Variants in STAM2 observed in about 807,000 individuals in gnomAD.
STAM2 encodes the protein signal transducing adaptor molecule 2.
STAM2 carries 51 observed loss-of-function variants against 65.6 expected under a neutral mutation model. The ratio of observed to expected loss-of-function variants is 0.78; its 90% confidence interval spans 0.62 to 0.98. The LOEUF (loss-of-function observed/expected upper bound fraction) is 0.98. STAM2 is among the 50% of genes least tolerant of loss of function. The pLI is 0.00. For missense variants in STAM2, 584 were observed against 617.8 expected (o/e 0.95, Z 0.58); for synonymous variants, 198 against 208.4 (o/e 0.95, Z 0.43).
chr2:152,125,134 T>C (rs1174707847), intron 12 of STAM2, among the ~76,000 whole-genome samples: 3 of 152,178 alleles, frequency 2.0e-5, no homozygotes, highest in Non-Finnish European at 4.4e-5. Flanking sequence ...AGTTTTATCA[T>C]ACAATGATGC....
chr2:152,133,585 A>C (rs1395264007), intron 8 of STAM2, 101 bp from the exon 9 acceptor site: 1 of 795,310 alleles, frequency 1.3e-6, no homozygotes, highest in Non-Finnish European at 2.0e-6. Flanking sequence ...AAAAAAAATA[A>C]AAGTCCTTCA....
intron 1 of STAM2, among the ~76,000 whole-genome samples, chr2:152,161,018 T>C (rs532995491): frequency 6.6e-6 from 1 of 151,316 alleles, no homozygotes; most frequent in East Asian, 2.0e-4. Flanking sequence ...TCATTGAGAG[T>C]GGGCCATGAT....
chr2:152,134,845 T>C (rs1689126385), intron 8 of STAM2, among the ~76,000 whole-genome samples: 1 of 152,230 alleles, frequency 6.6e-6, no homozygotes, highest in Non-Finnish European at 1.5e-5. Context: ...TATTACGAGC[T>C]GTTCCTTTAC....
intron 1 of STAM2, among the ~76,000 whole-genome samples, chr2:152,160,916 G>A: frequency 6.6e-6 from 1 of 151,552 alleles, no homozygotes; most frequent in Non-Finnish European, 1.5e-5. Context: ...CCATCCGGGA[G>A]GTGAGGGGCG....
At chr2:152,121,512 A>G (rs1463294152) in intron 13 of STAM2, among the ~76,000 whole-genome samples, 2 of 152,134 alleles carry the variant, frequency 1.3e-5, no homozygotes, top group African/African-American at 2.4e-5. Flanking sequence ...CCATCTCCCA[A>G]TCCAGCACAA....
chr2:152,175,589 G>C lies in STAM2; in HGVS notation c.40+14C>G. On this transcript the variant is annotated intron_variant, in intron 1 of 13. Transcript: ENST00000263904. ...CCAGGCACACAGCAGTCCAGGACCGGGCACAGCACTCACCCACGTCTTGCT... is the reference window on the plus strand; with the variant it reads ...CCAGGCACACAGCAGTCCAGGACCGCGCACAGCACTCACCCACGTCTTGCT... 1 of 1,614,080 alleles carries C rather than the reference G, an allele frequency of 6.2e-7. No homozygotes were observed. Among genetic ancestry groups the C allele is most frequent in the South Asian group, 1.1e-5 (1 of 91,072 alleles).
At chr2:152,124,626 A>G (rs563247926) in intron 12 of STAM2, 2 of 152,384 alleles carry the variant, frequency 1.3e-5, no homozygotes, top group African/African-American at 4.8e-5. Flanking sequence ...TAGCATCAAA[A>G]CAATGCATAC....
At chr2:152,166,785 GAGA>G (rs1391533578) in intron 1 of STAM2, among the ~76,000 whole-genome samples, 1 of 152,062 alleles carries the variant, frequency 6.6e-6, no homozygotes, top group Non-Finnish European at 1.5e-5. Context: ...TTTTTTAGAA[GAGA>G]AGGTTAAGAT....
intron 1 of STAM2, among the ~76,000 whole-genome samples, chr2:152,159,110 T>TATATATACATATAC (rs575009275): frequency 3.1e-5 from 4 of 129,278 alleles, no homozygotes; most frequent in African/African-American, 1.3e-4. Flanking sequence ...TATATATATA[T>TATATATACATATAC]ACACACACAG....
intron 1 of STAM2, among the ~76,000 whole-genome samples, chr2:152,170,218 A>C (rs1345554834): frequency 6.6e-6 from 1 of 151,482 alleles, no homozygotes; most frequent in Non-Finnish European, 1.5e-5. Context: ...ACAGTGGCTC[A>C]TATCTGTAAT....
chr2:152,145,197 G>A (rs1190240986), intron 5 of STAM2, among the ~76,000 whole-genome samples: 3 of 151,952 alleles, frequency 2.0e-5, no homozygotes, highest in Non-Finnish European at 4.4e-5. Context: ...CAGCCTCCTG[G>A]GAAGCCGGAA....
At chr2:152,137,068 T>C (rs950624738) in intron 7 of STAM2, among the ~76,000 whole-genome samples, 2 of 151,966 alleles carry the variant, frequency 1.3e-5, no homozygotes, top group Admixed American at 1.3e-4. Context: ...TTTTGTATTT[T>C]TAGTAGAGAT....
intron 1 of STAM2, among the ~76,000 whole-genome samples, chr2:152,168,713 TC>T (rs1217159741): frequency 3.3e-5 from 5 of 152,226 alleles, no homozygotes; most frequent in South Asian, 2.1e-4. Flanking sequence ...TTCTCTTACA[TC>T]CTAAAAACCT....
rs765370749 is a variant in STAM2, at chr2:152,123,881, C to G, written c.1234G>C (p.Val412Leu). 1 of 1,614,106 alleles carries G rather than the reference C, an allele frequency of 6.2e-7. No individual in the cohort carries two copies. ...AGGCTATAGCTTTGGGCAACAGTTA[C>G]TTGGTGAATGCTCTGACCCATATAG... ...GNYMGQSIHQ[V>L]TVAQSYSLGP... The change falls in exon 13 of 14, where the codon GTA (valine) becomes CTA (leucine). Residue 412 changes from valine to leucine, a missense_variant. Physicochemically the swap from Val to Leu is conservative, Grantham distance 32 (BLOSUM62 1). Transcript: ENST00000263904.
rs1438128842 is a variant in STAM2 at position 152,120,413 on chromosome 2, A to AC, written c.*160_*161insG. ...CTGGACTGAAAAAAAAAAAAAAAAA[A>AC]AACCTTTTATGGCCTTGTAGAATAA... On this transcript the variant is annotated 3_prime_UTR_variant, in exon 14 of 14. Transcript: ENST00000263904. 5 of 571,548 alleles carry AC rather than the reference A, an allele frequency of 8.7e-6. No homozygotes were observed. Among genetic ancestry groups the AC allele is most frequent in the African/African-American group, 7.6e-5 (4 of 52,946 alleles). The allele number at this position is 571,548 out of a possible 1,614,324, so 35.4% of individuals were successfully genotyped here. A position where few individuals can be genotyped will look rare whatever the true frequency, so the allele number is the denominator to read the frequency against.
chr2:152,156,660 C>G (rs916004463), intron 1 of STAM2, among the ~76,000 whole-genome samples: 26 of 152,054 alleles, frequency 1.7e-4, no homozygotes, highest in African/African-American at 5.6e-4. Flanking sequence ...AAGAATAATT[C>G]CATCAATATC....
intron 1 of STAM2, among the ~76,000 whole-genome samples, chr2:152,173,222 AG>A (rs1560227556): frequency 6.6e-6 from 1 of 151,132 alleles, no homozygotes; most frequent in African/African-American, 2.4e-5. Context: ...AAAAAAAAAA[AG>A]GGTAACAAAA....
chr2:152,138,068 T>A (rs2105540347), intron 7 of STAM2, among the ~76,000 whole-genome samples: 1 of 152,248 alleles, frequency 6.6e-6, no homozygotes. Context: ...AATTTCCACA[T>A]TAATATTAAA....
At chr2:152,156,405 T>C (rs1689547179) in intron 1 of STAM2, among the ~76,000 whole-genome samples, 1 of 152,182 alleles carries the variant, frequency 6.6e-6, no homozygotes, top group Non-Finnish European at 1.5e-5. Flanking sequence ...TTAAATATTA[T>C]AATTAAGAAA....
Sources: allele counts gnomAD v4.1 joint callset (sites outside exome capture counted in the v4.1 genomes callset), GRCh38; gene constraint gnomAD v4.1.1; transcripts MANE v1.5; gene names NCBI Gene and HGNC (gene_info 2026-07-23, HGNC 2026-07-21).